Variants in CAMK1D observed in about 807,000 individuals in gnomAD.
CAMK1D encodes the protein calcium/calmodulin-dependent protein kinase type 1D.
Under a neutral mutation model 47.7 loss-of-function variants are expected in CAMK1D, and 9 were observed. The observed-to-expected ratio is 0.19, with a 90% CI of 0.11 to 0.33. CAMK1D has a LOEUF of 0.33. CAMK1D is among the 10% of genes least tolerant of loss of function. The pLI, the probability that CAMK1D is intolerant of heterozygous loss-of-function variation, is 1.00. For missense variants in CAMK1D, 291 were observed against 488.7 expected, an observed-to-expected ratio of 0.60 and a Z score of 3.81; for synonymous variants, 184 against 184.9, an observed-to-expected ratio of 0.99 and a Z score of 0.04.
intron 2 of CAMK1D, among the ~76,000 whole-genome samples, chr10:12,647,791 A>C (rs76718531): frequency 0.13 from 19,382 of 152,122 alleles, 1,539 homozygotes; most frequent in African/African-American, 0.22. Context: ...GTGTGTGCTT[A>C]CTCAGGAGTT....
intron 1 of CAMK1D, among the ~76,000 whole-genome samples, chr10:12,488,031 T>A (rs1431272810): frequency 6.6e-6 from 1 of 152,148 alleles, no homozygotes; most frequent in East Asian, 1.9e-4. Flanking sequence ...AGGAAACCTC[T>A]TTTCCAAGCT....
At chr10:12,745,528 T>C (rs1461530182) in intron 3 of CAMK1D, among the ~76,000 whole-genome samples, 5 of 152,286 alleles carry the variant, frequency 3.3e-5, no homozygotes, top group Non-Finnish European at 2.9e-5. Flanking sequence ...ACATGAGTTT[T>C]TCAAGTGTTG....
At chr10:12,771,939 C>G (rs1032473348) in intron 5 of CAMK1D, among the ~76,000 whole-genome samples, 2 of 151,882 alleles carry the variant, frequency 1.3e-5, no homozygotes, top group African/African-American at 4.8e-5. Flanking sequence ...GAGGCTGAGG[C>G]AGGAGAATCG....
intron 2 of CAMK1D, among the ~76,000 whole-genome samples, chr10:12,599,577 C>T (rs1007730273): frequency 6.6e-6 from 1 of 152,144 alleles, no homozygotes; most frequent in Non-Finnish European, 1.5e-5. Flanking sequence ...TCTTTTTGTC[C>T]CCTTTTAGAC....
intron 2 of CAMK1D, among the ~76,000 whole-genome samples, chr10:12,563,033 A>G (rs1836992545): frequency 6.6e-6 from 1 of 152,216 alleles, no homozygotes; most frequent in African/African-American, 2.4e-5. Context: ...AAAAAGATTT[A>G]TTATGAGGTA....
At chr10:12,707,235 G>C (rs189861861) in intron 3 of CAMK1D, among the ~76,000 whole-genome samples, 1 of 152,166 alleles carries the variant, frequency 6.6e-6, no homozygotes, top group Admixed American at 6.5e-5. Context: ...GTTATTCAGC[G>C]TGCCAGTTAG....
chr10:12,362,495 GTTT>G, intron 1 of CAMK1D, among the ~76,000 whole-genome samples: 1 of 151,094 alleles, frequency 6.6e-6, no homozygotes, highest in East Asian at 2.0e-4. Context: ...TTTGTTTTTT[GTTT>G]TTTGTTTTTG....
intron 1 of CAMK1D, among the ~76,000 whole-genome samples, chr10:12,483,772 C>T (rs1402040700): frequency 1.3e-5 from 2 of 152,038 alleles, no homozygotes; most frequent in Non-Finnish European, 2.9e-5. Flanking sequence ...CTACAACCGC[C>T]GCCTCCCAGG....
intron 1 of CAMK1D, among the ~76,000 whole-genome samples, chr10:12,452,710 C>T (rs1833122149): frequency 1.3e-5 from 2 of 151,662 alleles, no homozygotes; most frequent in Admixed American, 6.6e-5. Flanking sequence ...CTCAGCCTCC[C>T]GAGTAGTTGG....
At chr10:12,426,240 G>T (rs1357862903) in intron 1 of CAMK1D, among the ~76,000 whole-genome samples, 1 of 152,076 alleles carries the variant, frequency 6.6e-6, no homozygotes, top group African/African-American at 2.4e-5. Flanking sequence ...GCTGTGAAGG[G>T]ATATTTTTTT....
At chr10:12,477,187 G>A (rs189701938) in intron 1 of CAMK1D, among the ~76,000 whole-genome samples, 3 of 152,078 alleles carry the variant, frequency 2.0e-5, no homozygotes, top group Non-Finnish European at 2.9e-5. Context: ...AGGCCGAGGC[G>A]GGCAGATCAC....
chr10:12,649,197 C>G (rs1839893470), intron 2 of CAMK1D, among the ~76,000 whole-genome samples: 1 of 152,222 alleles, frequency 6.6e-6, no homozygotes, highest in Non-Finnish European at 1.5e-5. Flanking sequence ...TGTGCTTTGC[C>G]AAGTTGGCGT....
chr10:12,733,966 A>G (rs1360479053), intron 3 of CAMK1D, among the ~76,000 whole-genome samples: 2 of 152,088 alleles, frequency 1.3e-5, no homozygotes, highest in African/African-American at 2.4e-5. Context: ...AAGACTGTGG[A>G]TGAAGCCCCC....
Position 12,785,669 on chromosome 10 carries a change from T to C in CAMK1D, c.566-5489T>C, listed in dbSNP as rs1414196991. On this transcript the variant is annotated intron_variant, in intron 5 of 10. Coordinates refer to ENST00000619168, the MANE Select transcript of CAMK1D (RefSeq NM_153498.4). ...CAAGTTTGGAAGCTGGACGCTGTGA[T>C]TTTTTGGAATTACAGCAGAGTCCTT... 3.3e-5 allele frequency among the ~76,000 whole-genome samples: 5 copies of C among 152,142 alleles called. No individual in the cohort carries two copies. In the East Asian group the frequency reaches 7.7e-4, roughly 23 times the overall value.
At chr10:12,728,690 G>T (rs2130805717) in intron 3 of CAMK1D, among the ~76,000 whole-genome samples, 1 of 152,340 alleles carries the variant, frequency 6.6e-6, no homozygotes, top group East Asian at 1.9e-4. Flanking sequence ...TTCTCTGGCT[G>T]CCCTTTCAAT....
At chr10:12,488,835 G>A (rs978200317) in intron 1 of CAMK1D, among the ~76,000 whole-genome samples, 1 of 152,190 alleles carries the variant, frequency 6.6e-6, no homozygotes, top group South Asian at 2.1e-4. Flanking sequence ...TCTGACGGAG[G>A]CGGAGCTCAG....
At chr10:12,764,086 A>G (rs942725687) in intron 4 of CAMK1D, among the ~76,000 whole-genome samples, 2 of 152,166 alleles carry the variant, frequency 1.3e-5, no homozygotes, top group South Asian at 2.1e-4. Context: ...TGGGCCAATT[A>G]AAAGTATTGA....
chr10:12,562,111 C>T (rs1436506367), intron 2 of CAMK1D, among the ~76,000 whole-genome samples: 1 of 152,204 alleles, frequency 6.6e-6, no homozygotes, highest in Non-Finnish European at 1.5e-5. Context: ...CTTTAGCTCA[C>T]ATTCTGCAGG....
At chr10:12,793,660 G>T (rs1480621204) in intron 6 of CAMK1D, among the ~76,000 whole-genome samples, 1 of 149,188 alleles carries the variant, frequency 6.7e-6, no homozygotes. Flanking sequence ...ATGCTGTAGA[G>T]AAAGTACAGA....
Sources: gnomAD v4.1 joint callset for allele counts (sites outside exome capture counted in the v4.1 genomes callset) on GRCh38, gnomAD v4.1.1 for gene constraint, MANE v1.5 for transcripts, NCBI Gene and HGNC (gene_info 2026-07-23, HGNC 2026-07-21) for gene names.